The following AKR1C3 variants were observed in gnomAD, a reference collection of about 807,000 sequenced individuals.
AKR1C3 encodes the protein aldo-keto reductase family 1 member C3.
A neutral mutation model predicts 43.6 loss-of-function variants in AKR1C3; 48 were observed. The ratio of observed to expected loss-of-function variants is 1.10; its 90% CI spans 0.87 to 1.40. The LOEUF is 1.40. Ranked by LOEUF, AKR1C3 falls within the 40% of genes most tolerant of loss-of-function variation. AKR1C3 has a pLI of 0.00. For synonymous variants in AKR1C3, 162 were observed against 139.6 expected, an observed-to-expected ratio of 1.16 and a Z score of -1.13; for missense variants, 482 against 391.2, an observed-to-expected ratio of 1.23 and a Z score of -1.96.
intron 1 of AKR1C3, among the ~76,000 whole-genome samples, chr10:5,073,095 C>T (rs1554781469): frequency 6.6e-6 from 1 of 152,060 alleles, no homozygotes; most frequent in African/African-American, 2.4e-5. Context: ...TCTCAAGATG[C>T]TGGGATTACA....
chr10:5,093,428 G>A (rs377646201), upstream of AKR1C3: 1 of 151,982 alleles, frequency 6.6e-6, no homozygotes. Flanking sequence ...CGAAATCAGG[G>A]CATTGCAAGT....
chr10:5,061,004 A>T (rs1054889255), intron 1 of AKR1C3, among the ~76,000 whole-genome samples: 8 of 152,188 alleles, frequency 5.3e-5, no homozygotes, highest in African/African-American at 1.7e-4. Flanking sequence ...GCACAGCCCC[A>T]GTTCCCTCCC....
chr10:5,084,371 A>G (rs1304679928), intron 1 of AKR1C3, among the ~76,000 whole-genome samples: 10 of 151,438 alleles, frequency 6.6e-5, no homozygotes, highest in Non-Finnish European at 8.8e-5. Flanking sequence ...AGGTTTGTCA[A>G]AGATCAGATA....
chr10:5,103,264 A>G (rs1839404558), intron 7 of AKR1C3, among the ~76,000 whole-genome samples: 1 of 152,006 alleles, frequency 6.6e-6, no homozygotes, highest in African/African-American at 2.4e-5. Flanking sequence ...TTTCATTTCC[A>G]TTTCTTCGTA....
chr10:5,058,312 G>C (rs1838305940), intron 1 of AKR1C3, among the ~76,000 whole-genome samples: 1 of 152,118 alleles, frequency 6.6e-6, no homozygotes, highest in African/African-American at 2.4e-5. Context: ...TTCCCTCTTA[G>C]AGAAAAGGTC....
At chr10:5,096,311 A>G (rs1386746022) in intron 1 of AKR1C3, 99 bp from the exon 2 acceptor site, 8 of 1,418,052 alleles carry the variant, frequency 5.6e-6, no homozygotes, top group Non-Finnish European at 7.6e-6. Flanking sequence ...ACATACAGAC[A>G]GGAGGAAAAG....
chr10:5,051,524 ACTT>A (rs1486143149), intron 1 of AKR1C3, among the ~76,000 whole-genome samples: 10 of 152,222 alleles, frequency 6.6e-5, no homozygotes, highest in African/African-American at 1.4e-4. Context: ...CAGAATATGA[ACTT>A]CTTAACATCC....
intron 8 of AKR1C3, 21 bp from the exon 9 acceptor site, chr10:5,107,440 T>TA: frequency 6.7e-7 from 1 of 1,494,906 alleles, no homozygotes; most frequent in Non-Finnish European, 9.3e-7. Context: ...GCATTTATAT[T>TA]ATACATTATT....
chr10:5,077,142 T>C lies in AKR1C3; in HGVS notation c.85-19268T>C, dbSNP rs1246854758. ...TGGTGGTTTAGTGATGAGGTTAATA[T>C]TCCCCTCTTGTCCACCTCCACATTG... On this transcript the variant is annotated intron_variant, in intron 1 of 8. Coordinates refer to the AKR1C3 transcript ENST00000439082. 5.9e-5 allele frequency among the ~76,000 whole-genome samples: 9 copies of C among 152,128 alleles called. No individual in the cohort carries two copies. In the East Asian group the frequency reaches 1.7e-3, roughly 29 times the overall value.
intron 8 of AKR1C3, among the ~76,000 whole-genome samples, chr10:5,106,916 A>AAAAATAT: frequency 6.6e-6 from 1 of 150,606 alleles, no homozygotes; most frequent in South Asian, 2.2e-4. Flanking sequence ...AGGAAAATAA[A>AAAAATAT]TAAAAAAAGG....
chr10:5,049,464 C>T (rs1305158464), intron 1 of AKR1C3, among the ~76,000 whole-genome samples: 21 of 152,210 alleles, frequency 1.4e-4, no homozygotes, highest in African/African-American at 4.3e-4. Flanking sequence ...TATAAAATAT[C>T]CTCATTTTAA....
At chr10:5,099,625 G>T in intron 5 of AKR1C3, 176 bp downstream of exon 5, 1 of 1,179,948 alleles carries the variant, frequency 8.5e-7, no homozygotes, top group Non-Finnish European at 1.2e-6. Context: ...GCTTGGAAAA[G>T]TATTAGGGAA....
rs35955223 is a variant in AKR1C3 at position 5,105,728 on chromosome 10, G to A, written c.929+51G>A. 3,045 of 1,435,266 alleles carry A rather than the reference G, an allele frequency of 2.1e-3. 51 individuals are homozygous for A. In the African/African-American group the frequency reaches 0.036, roughly 17 times the overall value. The allele number at this position is 1,435,266 out of a possible 1,614,324, so 88.9% of individuals were successfully genotyped here. ...TCTAATTTATTTCTGGAGAAGGAAT[G>A]TAGGATGGGTGTTGAGAGTGACCTC... On this transcript the variant is annotated intron_variant, in intron 8 of 8. Coordinates refer to ENST00000380554, the MANE Select transcript of AKR1C3 (RefSeq NM_003739.6).
At chr10:5,083,873 CTTCTT>C (rs1436521647) in intron 1 of AKR1C3, among the ~76,000 whole-genome samples, 1 of 152,126 alleles carries the variant, frequency 6.6e-6, no homozygotes, top group Non-Finnish European at 1.5e-5. Flanking sequence ...GCATAAATGT[CTTCTT>C]TTGAGAAGTG....
intron 1 of AKR1C3, among the ~76,000 whole-genome samples, chr10:5,058,463 C>T (rs1011089107): frequency 1.3e-5 from 2 of 152,126 alleles, no homozygotes; most frequent in Non-Finnish European, 2.9e-5. Flanking sequence ...CAAATTGGTC[C>T]CAATGGCTTA....
chr10:5,051,711 G>A (rs905043201), intron 1 of AKR1C3, among the ~76,000 whole-genome samples: 3 of 152,190 alleles, frequency 2.0e-5, no homozygotes, highest in Non-Finnish European at 4.4e-5. Flanking sequence ...GAGGCCCTGT[G>A]TGTAGATGGT....
At chr10:5,099,248 C>T (rs35516441) in intron 4 of AKR1C3, 79 bp from the exon 5 acceptor site, 20,281 of 1,589,534 alleles carry the variant, frequency 0.013, 183 homozygotes, top group Non-Finnish European at 0.015. Context: ...AAAGTTGTTG[C>T]TCTCACAGTT....
At chr10:5,066,597 T>C (rs1250783041) in intron 1 of AKR1C3, among the ~76,000 whole-genome samples, 10 of 152,154 alleles carry the variant, frequency 6.6e-5, no homozygotes, top group African/African-American at 1.9e-4. Flanking sequence ...ATTGGGAGCA[T>C]AATACCTAGA....
chr10:5,053,780 G>T (rs1838203925), intron 1 of AKR1C3, among the ~76,000 whole-genome samples: 2 of 152,232 alleles, frequency 1.3e-5, no homozygotes, highest in Admixed American at 6.5e-5. Context: ...GTGTCCTCCA[G>T]AGGGGAGTTC....
Sources: allele counts gnomAD v4.1 joint callset (sites outside exome capture counted in the v4.1 genomes callset), GRCh38; gene constraint gnomAD v4.1.1; transcripts MANE v1.5; gene names NCBI Gene and HGNC (gene_info 2026-07-23, HGNC 2026-07-21).